Variants in SNTG1 observed in about 807,000 individuals in gnomAD.
SNTG1 encodes the protein syntrophin gamma 1.
Under a neutral mutation model 74.7 loss-of-function variants are expected in SNTG1, and 39 were observed. That is an observed-to-expected ratio of 0.52 (90% CI 0.40 to 0.68). The LOEUF (loss-of-function observed/expected upper bound fraction) is 0.68. SNTG1 is among the 30% of genes least tolerant of loss of function. The probability of loss-of-function intolerance (pLI) is 0.00; values close to 1 mark genes in which losing one functional copy is unlikely to be tolerated. For missense variants in SNTG1, 685 were observed against 609.5 expected (o/e 1.12, Z -1.30); for synonymous variants, 254 against 217.1 (o/e 1.17, Z -1.49).
chr8:50,792,549 C>A (rs2095694038), intron 18 of SNTG1, 122 bp from the exon 19 acceptor site: 1 of 1,023,704 alleles, frequency 9.8e-7, no homozygotes, highest in East Asian at 2.6e-5. Flanking sequence ...AAATTAGTTT[C>A]CACATGTTAC....
intron 2 of SNTG1, among the ~76,000 whole-genome samples, chr8:50,271,233 C>T (rs2087761815): frequency 6.6e-6 from 1 of 152,096 alleles, no homozygotes; most frequent in Non-Finnish European, 1.5e-5. Context: ...TTCAGAAGAT[C>T]CATTATTATG....
chr8:50,515,395 T>G (rs1164403532), intron 9 of SNTG1, among the ~76,000 whole-genome samples: 2 of 100,698 alleles, frequency 2.0e-5, no homozygotes, highest in East Asian at 2.4e-4. Context: ...GAGTTTTTTT[T>G]TTTTTTTTTT....
intron 1 of SNTG1, among the ~76,000 whole-genome samples, chr8:49,944,524 A>G (rs181542795): frequency 8.5e-5 from 12 of 141,288 alleles, no homozygotes; most frequent in African/African-American, 3.2e-4. Flanking sequence ...TGGGAATTGA[A>G]CAATGAGAAC....
intron 2 of SNTG1, among the ~76,000 whole-genome samples, chr8:50,331,765 G>T (rs2090974674): frequency 6.6e-6 from 1 of 152,164 alleles, no homozygotes; most frequent in Non-Finnish European, 1.5e-5. Context: ...GGACAGATTT[G>T]CCAGGAGATT....
chr8:50,570,606 A>ATTATTC (rs2094544001), intron 12 of SNTG1, among the ~76,000 whole-genome samples: 2 of 137,512 alleles, frequency 1.5e-5, no homozygotes, highest in Non-Finnish European at 3.1e-5. Context: ...TATTATTATT[A>ATTATTC]TTATTATTAT....
chr8:50,318,445 A>C (rs560255552), intron 2 of SNTG1, among the ~76,000 whole-genome samples: 10 of 152,226 alleles, frequency 6.6e-5, no homozygotes, highest in African/African-American at 2.2e-4. Context: ...TGAATTTTCC[A>C]ACTCATTTTC....
intron 1 of SNTG1, among the ~76,000 whole-genome samples, chr8:49,918,792 G>GA (rs889689712): frequency 6.6e-6 from 1 of 151,726 alleles, no homozygotes; most frequent in Non-Finnish European, 1.5e-5. Flanking sequence ...GTTATTGATG[G>GA]AAAAAAAGGA....
intron 2 of SNTG1, among the ~76,000 whole-genome samples, chr8:50,236,520 G>C (rs1586798897): frequency 7.0e-6 from 1 of 142,970 alleles, no homozygotes; most frequent in African/African-American, 2.6e-5. Context: ...GCGCTATCCC[G>C]GCTCACTGCA....
intron 15 of SNTG1, among the ~76,000 whole-genome samples, chr8:50,672,717 T>C (rs2095290697): frequency 6.6e-6 from 1 of 152,204 alleles, no homozygotes; most frequent in South Asian, 2.1e-4. Context: ...AATCTTGGCT[T>C]TTGTTGCAAT....
At chr8:50,351,728 C>T (rs1433329954) in intron 2 of SNTG1, among the ~76,000 whole-genome samples, 1 of 152,136 alleles carries the variant, frequency 6.6e-6, no homozygotes, top group African/African-American at 2.4e-5. Context: ...TGAAAGTTTC[C>T]TTTTCAATAT....
At chr8:50,632,310 T>TTTATTTAG (rs2131117771) in intron 13 of SNTG1, among the ~76,000 whole-genome samples, 1 of 151,452 alleles carries the variant, frequency 6.6e-6, no homozygotes, top group East Asian at 1.9e-4. Flanking sequence ...TATTTATTTA[T>TTTATTTAG]TTATTTATTT....
intron 15 of SNTG1, among the ~76,000 whole-genome samples, chr8:50,703,467 G>C (rs1175879924): frequency 2.0e-5 from 3 of 152,112 alleles, no homozygotes; most frequent in South Asian, 4.2e-4. Context: ...CATCTCTTAT[G>C]ATAATGATGC....
chr8:50,684,928 C>T (rs2095346309), intron 15 of SNTG1, among the ~76,000 whole-genome samples: 1 of 132,516 alleles, frequency 7.5e-6, no homozygotes, highest in African/African-American at 2.8e-5. Context: ...TGATATTCCC[C>T]TTCCTGTGTC....
chr8:50,233,883 G>A (rs1319128002), intron 2 of SNTG1, among the ~76,000 whole-genome samples: 2 of 151,790 alleles, frequency 1.3e-5, no homozygotes, highest in East Asian at 3.9e-4. Context: ...TAAAGTAAAA[G>A]TTACTGATAA....
chr8:50,628,057 T>A (rs1353551162), intron 13 of SNTG1, among the ~76,000 whole-genome samples: 1 of 152,206 alleles, frequency 6.6e-6, no homozygotes, highest in Non-Finnish European at 1.5e-5. Flanking sequence ...TGAAGCTGCC[T>A]AGGGGCTACC....
intron 12 of SNTG1, among the ~76,000 whole-genome samples, chr8:50,579,661 A>G (rs545152359): frequency 6.6e-6 from 1 of 152,338 alleles, no homozygotes; most frequent in Admixed American, 6.5e-5. Flanking sequence ...TAATAAAAAA[A>G]AGGGGGCCAA....
chr8:50,453,866 A>G (rs2093478493), intron 8 of SNTG1, among the ~76,000 whole-genome samples: 1 of 152,206 alleles, frequency 6.6e-6, no homozygotes, highest in Admixed American at 6.5e-5. Flanking sequence ...GCTGCTGCTC[A>G]GCATCCCATG....
At chr8:50,009,378 C>CG (rs1815552151) in intron 1 of SNTG1, among the ~76,000 whole-genome samples, 2 of 152,100 alleles carry the variant, frequency 1.3e-5, no homozygotes, top group Admixed American at 6.6e-5. Flanking sequence ...GTAGACTGGA[C>CG]TACCTTTTCT....
At chr8:50,318,132 A>G (rs1255942942) in intron 2 of SNTG1, among the ~76,000 whole-genome samples, 1 of 151,932 alleles carries the variant, frequency 6.6e-6, no homozygotes, top group Non-Finnish European at 1.5e-5. Context: ...CACCGAGCCC[A>G]GCCACTTATT....
Sources: allele counts gnomAD v4.1 joint callset (sites outside exome capture counted in the v4.1 genomes callset), GRCh38; gene constraint gnomAD v4.1.1; transcripts MANE v1.5; gene names NCBI Gene and HGNC (gene_info 2026-07-23, HGNC 2026-07-21).